Variants in DOC2B observed in about 807,000 individuals in gnomAD.
DOC2B encodes the protein double C2-like domain-containing protein beta.
Under a neutral mutation model 28.9 loss-of-function variants are expected in DOC2B, and 21 were observed. That is an observed-to-expected ratio of 0.73 (90% CI 0.52 to 1.05). The LOEUF is 1.05. Among genes scored for constraint, DOC2B ranks in the 50% least tolerant of loss-of-function variants. The pLI is 0.00. For synonymous variants in DOC2B, 194 were observed against 178.1 expected (o/e 1.09, Z -0.71); for missense variants, 384 against 421.1 (o/e 0.91, Z 0.77).
intron 2 of DOC2B, among the ~76,000 whole-genome samples, chr17:169,269 G>A (rs925551468): frequency 2.0e-5 from 3 of 151,980 alleles, no homozygotes; most frequent in South Asian, 2.1e-4. Flanking sequence ...GACAGATACC[G>A]GGAGACTGCA....
chr17:165,390 G>A (rs1440617157), intron 2 of DOC2B, among the ~76,000 whole-genome samples: 2 of 151,076 alleles, frequency 1.3e-5, no homozygotes, highest in East Asian at 1.9e-4. Flanking sequence ...GCTGAGGTGG[G>A]AGGATCGCTT....
chr17:181,521 G>A lies in DOC2B; in HGVS notation c.-42C>T, dbSNP rs2040444829. The A allele has an allele frequency of 1.0e-6, 1 of 979,514 alleles. No individual in the cohort carries two copies. Among genetic ancestry groups the A allele is most frequent in the South Asian group, 4.6e-5 (1 of 21,898 alleles). The allele number at this position is 979,514 out of a possible 1,614,324, so 60.7% of individuals were successfully genotyped here. A position where few individuals can be genotyped will look rare whatever the true frequency, so the allele number is the denominator to read the frequency against. On this transcript the variant is annotated 5_prime_UTR_variant, in exon 1 of 9. Transcript: ENST00000613549. This position sits in a 1 kb window ranked among gnomAD's most constrained non-coding sequence, Gnocchi z 7.0. Reference sequence around the variant, plus strand: ...CGCCCCGGGCGCGGCCCGGCCCGGCGCGACCCCGGCCCGGGGGCGGCTCAG... The same window carrying A: ...CGCCCCGGGCGCGGCCCGGCCCGGCACGACCCCGGCCCGGGGGCGGCTCAG...
chr17:144,688 A>C lies in DOC2B; in HGVS notation c.*2753T>G, dbSNP rs2040007162. On this transcript the variant is annotated 3_prime_UTR_variant, in exon 9 of 9. Transcript: ENST00000613549. ...GCTGCCCCTGGGCTGGCTGGCCAGT[A>C]AGCCCGCCTCCCAGCCTGACTGTCC... 6.6e-6 allele frequency: 1 copy of C among 152,306 alleles called. No homozygotes were observed. The highest frequency in any genetic ancestry group is 1.5e-5 in the Non-Finnish European group (1 of 68,138). The allele number at this position is 152,306 out of a possible 1,614,324, so 9.4% of individuals were successfully genotyped here.
At chr17:179,718 C>T (rs1328842498) in intron 1 of DOC2B, among the ~76,000 whole-genome samples, 2 of 152,202 alleles carry the variant, frequency 1.3e-5, no homozygotes, top group Non-Finnish European at 2.9e-5. Flanking sequence ...AAAACTCTTC[C>T]GACCCAATCT....
intron 1 of DOC2B, among the ~76,000 whole-genome samples, chr17:177,418 G>A (rs932926250): frequency 3.9e-5 from 6 of 152,096 alleles, no homozygotes; most frequent in Non-Finnish European, 7.3e-5. Flanking sequence ...CTACTGTTTT[G>A]CCTACACTGG....
Position 148,195 on chromosome 17 carries a change from A to T in DOC2B, c.1080T>A (p.Ile360=). Reference sequence around the variant, plus strand: ...TACCAATGAAATCGTTGGATTTTCCAATGTCGTAATCCCAAACGGTGACCT... The same window carrying T: ...TACCAATGAAATCGTTGGATTTTCCTATGTCGTAATCCCAAACGGTGACCT... The part of the protein sequence containing the change: ...SLEVTVWDYD[I]GKSNDFIGGV... Residue 360 remains isoleucine (I), a synonymous_variant, in exon 8 of 9, where the codon ATT becomes ATA. Transcript: ENST00000613549. 3 of 398,568 alleles carry T rather than the reference A, an allele frequency of 7.5e-6. No homozygotes were observed. The highest frequency in any genetic ancestry group is 1.3e-5 in the Non-Finnish European group (3 of 226,068). 24.7% of individuals were successfully genotyped at this position (398,568 alleles called of 1,614,324 possible).
At chr17:164,039 A>G in intron 3 of DOC2B, 91 bp downstream of exon 3, 1 of 1,070,542 alleles carries the variant, frequency 9.3e-7, no homozygotes, top group Non-Finnish European at 1.4e-6. Flanking sequence ...CCCGCAGCCC[A>G]GTCCAGGCCC....
Position 146,873 on chromosome 17 carries a change from C to G in DOC2B, c.*568G>C, listed in dbSNP as rs936339009. The G allele has an allele frequency of 1.3e-5, 2 of 152,378 alleles. No individual in the cohort carries two copies. Among genetic ancestry groups the G allele is most frequent in the African/African-American group, 4.8e-5 (2 of 41,474 alleles). 9.4% of individuals were successfully genotyped at this position (152,378 alleles called of 1,614,324 possible). ...CATTCACCCCCAGGGCTTGTGGAAT[C>G]ATTGAGTGAAGCATGTGCCAATTTA... On this transcript the variant is annotated 3_prime_UTR_variant, in exon 9 of 9. Coordinates refer to ENST00000613549, the MANE Select transcript of DOC2B (RefSeq NM_003585.5).
At chr17:154,992 G>T (rs973469347) in intron 6 of DOC2B, among the ~76,000 whole-genome samples, 1 of 152,100 alleles carries the variant, frequency 6.6e-6, no homozygotes, top group African/African-American at 2.4e-5. Context: ...GCCTCCCAAA[G>T]TACTGGGATT....
rs1365417778 is a variant in DOC2B, at chr17:146,950, C to T, written c.*491G>A. On this transcript the variant is annotated 3_prime_UTR_variant, in exon 9 of 9. Transcript: ENST00000613549. Reference sequence around the variant, plus strand: ...CTGGCAGACTTTCGGCCGGCAGGCCCGCTTCTTCCATCTGTCCAGCAGCGA... The same window carrying T: ...CTGGCAGACTTTCGGCCGGCAGGCCTGCTTCTTCCATCTGTCCAGCAGCGA... The T allele has an allele frequency of 5.2e-5, 8 of 153,976 alleles. No individual in the cohort carries two copies. The highest frequency in any genetic ancestry group is 3.3e-4 in the Admixed American group (5 of 15,332). 9.5% of individuals were successfully genotyped at this position (153,976 alleles called of 1,614,324 possible). A position where few individuals can be genotyped will look rare whatever the true frequency, so the allele number is the denominator to read the frequency against.
intron 1 of DOC2B, 111 bp from the exon 2 acceptor site, chr17:172,727 C>T (rs1026930608): frequency 1.6e-5 from 13 of 817,508 alleles, no homozygotes; most frequent in Non-Finnish European, 2.2e-5. Flanking sequence ...CGTTCCATGG[C>T]GGCTGCCACC....
chr17:174,929 G>A (rs184567178), intron 1 of DOC2B, among the ~76,000 whole-genome samples: 26 of 152,256 alleles, frequency 1.7e-4, no homozygotes, highest in Admixed American at 1.2e-3. Flanking sequence ...GACCAGCCTG[G>A]CCAACATGGC....
Position 169,672 on chromosome 17 carries a change from C to A in DOC2B, c.453+2865G>T, listed in dbSNP as rs548103896. Among the ~76,000 whole-genome samples, 91 of 152,190 alleles carry A rather than the reference C, an allele frequency of 6.0e-4. 1 individual carries two copies. Among genetic ancestry groups the A allele is most frequent in the African/African-American group, 2.1e-3 (87 of 41,506 alleles). On this transcript the variant is annotated intron_variant, in intron 2 of 8. Transcript: ENST00000613549. ...CCAACCCTATTTACAGATGGGCAAACTGAGACTGACCCTTATAAGGGGGGA... is the reference window on the plus strand; with the variant it reads ...CCAACCCTATTTACAGATGGGCAAAATGAGACTGACCCTTATAAGGGGGGA...
In DOC2B at chr17:181,515, C is replaced by A. The variant is rs2040444596; in HGVS notation, c.-36G>T. ...CCGCCCCGCCCCGGGCGCGGCCCGGCCCGGCGCGACCCCGGCCCGGGGGCG... is the reference window on the plus strand; with the variant it reads ...CCGCCCCGCCCCGGGCGCGGCCCGGACCGGCGCGACCCCGGCCCGGGGGCG... On this transcript the variant is annotated 5_prime_UTR_variant, in exon 1 of 9. Transcript: ENST00000613549. This position sits in a 1 kb window ranked among gnomAD's most constrained non-coding sequence, Gnocchi z 7.0. 3.0e-6 allele frequency: 3 copies of A among 985,706 alleles called. No homozygotes were observed. The highest frequency in any genetic ancestry group is 3.6e-6 in the Non-Finnish European group (3 of 830,638). 61.1% of individuals were successfully genotyped at this position (985,706 alleles called of 1,614,324 possible).
At chr17:168,869 C>T (rs570754522) in intron 2 of DOC2B, among the ~76,000 whole-genome samples, 10 of 152,366 alleles carry the variant, frequency 6.6e-5, no homozygotes, top group South Asian at 4.1e-4. Flanking sequence ...CCACGTGTAA[C>T]GGCAAGTCCA....
chr17:181,501 C>G lies in DOC2B; in HGVS notation c.-22G>C. On this transcript the variant is annotated 5_prime_UTR_variant, in exon 1 of 9. Coordinates refer to ENST00000613549, the MANE Select transcript of DOC2B (RefSeq NM_003585.5). This position sits in a 1 kb window ranked among gnomAD's most constrained non-coding sequence, Gnocchi z 7.0. ...TCATGCAGGCAGCGCCGCCCCGCCCCGGGCGCGGCCCGGCCCGGCGCGACC... is the reference window on the plus strand; with the variant it reads ...TCATGCAGGCAGCGCCGCCCCGCCCGGGGCGCGGCCCGGCCCGGCGCGACC... 6.0e-6 allele frequency: 6 copies of G among 1,006,472 alleles called. No homozygotes were observed. The highest frequency in any genetic ancestry group is 7.1e-6 in the Non-Finnish European group (6 of 845,966). The allele number at this position is 1,006,472 out of a possible 1,614,324, so 62.3% of individuals were successfully genotyped here.
At chr17:160,929 G>A (rs1567532214) in intron 5 of DOC2B, among the ~76,000 whole-genome samples, 5 of 152,066 alleles carry the variant, frequency 3.3e-5, no homozygotes, top group South Asian at 2.1e-4. Flanking sequence ...CTGTCCACCC[G>A]TGGTCCCTGC....
intron 6 of DOC2B, among the ~76,000 whole-genome samples, chr17:153,222 G>A (rs1389420992): frequency 6.6e-6 from 1 of 152,204 alleles, no homozygotes; most frequent in Non-Finnish European, 1.5e-5. Flanking sequence ...ACCCACAGCA[G>A]CCACCTGTGG....
In DOC2B at chr17:157,850, C is replaced by T. The variant is rs866157973; in HGVS notation, c.766-1473G>A. Among the ~76,000 whole-genome samples the T allele has an allele frequency of 2.0e-5, 3 of 152,326 alleles. No homozygotes were observed. In the South Asian group the frequency reaches 6.2e-4, roughly 32 times the overall value. On this transcript the variant is annotated intron_variant, in intron 5 of 8. Coordinates refer to ENST00000613549, the MANE Select transcript of DOC2B (RefSeq NM_003585.5). ...GCAGGAATGGAGGGACAGATGGTCC[C>T]CTGTGCGTTCAACCTCATACAAGCA...
Sources: allele counts gnomAD v4.1 joint callset (sites outside exome capture counted in the v4.1 genomes callset), GRCh38; gene constraint gnomAD v4.1.1; non-coding constraint Gnocchi (gnomAD v3.1); transcripts MANE v1.5; gene names NCBI Gene and HGNC (gene_info 2026-07-23, HGNC 2026-07-21).